DOCK8: variants seen among roughly 807,000 people sequenced by gnomAD.
The protein encoded by DOCK8 is dedicator of cytokinesis protein 8.
DOCK8 carries 141 observed loss-of-function variants against 245.6 expected under a neutral mutation model. The ratio of observed to expected loss-of-function variants is 0.57; its 90% CI spans 0.50 to 0.66. DOCK8 has a LOEUF of 0.66. DOCK8 is among the 30% of genes least tolerant of loss of function. The pLI is 0.00. For synonymous variants in DOCK8, 1,168 were observed against 970.2 expected (o/e 1.20, Z -3.79); for missense variants, 2,965 against 2,603.4 (o/e 1.14, Z -3.02).
chr9:431,049 C>T (rs1489455699), intron 36 of DOCK8, among the ~76,000 whole-genome samples: 4 of 147,224 alleles, frequency 2.7e-5, no homozygotes, highest in African/African-American at 9.8e-5. Context: ...ATTTTTTTTG[C>T]ATTTTTGTTG....
In DOCK8 at chr9:309,933, T is replaced by C. The variant is rs184110464; in HGVS notation, c.529-2021T>C. 7.1e-4 allele frequency among the ~76,000 whole-genome samples: 108 copies of C among 152,340 alleles called. 2 individuals are homozygous for C. In the East Asian group the frequency reaches 0.02, roughly 28 times the overall value. On this transcript the variant is annotated intron_variant, in intron 5 of 47. Coordinates refer to ENST00000432829, the MANE Select transcript of DOCK8 (RefSeq NM_203447.4). ...GTGAATGAATGAATTAGTTAATTAA[T>C]GAGCCAGGGTTTCACTTTGTCACCC...
chr9:428,686 C>T (rs1022785535), intron 35 of DOCK8, among the ~76,000 whole-genome samples, 190 bp downstream of exon 35: 4 of 152,206 alleles, frequency 2.6e-5, no homozygotes, highest in African/African-American at 9.6e-5. Flanking sequence ...AGAGGAAAAG[C>T]AGTGGCTCCC....
intron 14 of DOCK8, among the ~76,000 whole-genome samples, chr9:360,090 C>T (rs928903473): frequency 8.6e-5 from 13 of 151,696 alleles, no homozygotes; most frequent in South Asian, 2.1e-4. Flanking sequence ...CCGAGGCGGG[C>T]GGATCACTTG....
intron 5 of DOCK8, among the ~76,000 whole-genome samples, chr9:308,405 C>G (rs919117375): frequency 2.0e-5 from 3 of 152,174 alleles, no homozygotes; most frequent in African/African-American, 7.2e-5. Context: ...TGGAATAATA[C>G]TCATCATGGA....
chr9:267,598 G>A (rs1237685873), intron 1 of DOCK8, among the ~76,000 whole-genome samples: 1 of 152,318 alleles, frequency 6.6e-6, no homozygotes. Flanking sequence ...ACTATGGAAA[G>A]GATTTCTGAT....
At chr9:420,010 C>T in intron 30 of DOCK8, 1 of 310,240 alleles carries the variant, frequency 3.2e-6, no homozygotes, top group Non-Finnish European at 6.3e-6. Flanking sequence ...CCCTCTGCTG[C>T]CCAGCACGAA....
chr9:277,126 A>G (rs2048377026), intron 2 of DOCK8: 1 of 176,882 alleles, frequency 5.7e-6, no homozygotes. Flanking sequence ...TGATTGTTCA[A>G]AGTAGAAGCC....
At chr9:459,538 C>A (rs2057739479) in intron 46 of DOCK8, among the ~76,000 whole-genome samples, 2 of 152,084 alleles carry the variant, frequency 1.3e-5, no homozygotes, top group Admixed American at 1.3e-4. Context: ...TTTTTGCTTT[C>A]CTCATTTCTA....
chr9:226,114 GT>G (rs1404832673), intron 1 of DOCK8, among the ~76,000 whole-genome samples: 3 of 152,196 alleles, frequency 2.0e-5, no homozygotes, highest in Non-Finnish European at 4.4e-5. Context: ...AGAAAAAAAG[GT>G]TTAATGGACT....
chr9:223,622 C>CTT (rs113604836), intron 1 of DOCK8, among the ~76,000 whole-genome samples: 1 of 140,300 alleles, frequency 7.1e-6, no homozygotes, highest in East Asian at 2.0e-4. Flanking sequence ...GTTTTAAAAT[C>CTT]TTTTTTTTTT....
chr9:247,765 C>T (rs753770536), intron 1 of DOCK8, among the ~76,000 whole-genome samples: 3 of 152,044 alleles, frequency 2.0e-5, no homozygotes, highest in African/African-American at 7.2e-5. Context: ...TCTCAATCTC[C>T]TGACCTCGTG....
chr9:424,801 T>A (rs2056420295), intron 33 of DOCK8, among the ~76,000 whole-genome samples: 1 of 152,202 alleles, frequency 6.6e-6, no homozygotes, highest in African/African-American at 2.4e-5. Context: ...TACTTACAAA[T>A]GGTTAAGATG....
intron 46 of DOCK8, among the ~76,000 whole-genome samples, chr9:461,965 TTTC>T (rs2057818764): frequency 6.6e-6 from 1 of 151,662 alleles, no homozygotes. Context: ...TTTTATTTAT[TTTC>T]TTTTTTTTTT....
intron 2 of DOCK8, among the ~76,000 whole-genome samples, chr9:281,118 G>C (rs1390383359): frequency 6.6e-6 from 1 of 152,082 alleles, no homozygotes; most frequent in Non-Finnish European, 1.5e-5. Context: ...GCCAGGCGTG[G>C]TGGCGCATGC....
chr9:346,639 G>T (rs1212997597), intron 14 of DOCK8, among the ~76,000 whole-genome samples: 1 of 152,108 alleles, frequency 6.6e-6, no homozygotes, highest in African/African-American at 2.4e-5. Context: ...TGATTTCTCT[G>T]ATGGATAATT....
chr9:300,432 G>C (rs1289019813), intron 4 of DOCK8, among the ~76,000 whole-genome samples: 2 of 151,776 alleles, frequency 1.3e-5, no homozygotes, highest in African/African-American at 2.4e-5. Context: ...GTGTGACCTG[G>C]AGGTACTAGA....
At chr9:428,300 G>A in intron 34 of DOCK8, 62 bp from the exon 35 acceptor site, 2 of 1,612,420 alleles carry the variant, frequency 1.2e-6, no homozygotes, top group South Asian at 1.1e-5. Flanking sequence ...CTAATTGTCA[G>A]GAACATCCAG....
At chr9:322,844 G>A (rs1025189749) in intron 7 of DOCK8, among the ~76,000 whole-genome samples, 2 of 152,146 alleles carry the variant, frequency 1.3e-5, no homozygotes, top group East Asian at 1.9e-4. Context: ...TGTAATCCCA[G>A]TACTTTGGGA....
chr9:269,994 A>G (rs913602986), intron 1 of DOCK8, among the ~76,000 whole-genome samples: 2 of 152,156 alleles, frequency 1.3e-5, no homozygotes, highest in Non-Finnish European at 2.9e-5. Context: ...TCCTACCAAC[A>G]GCATATGCGT....
Sources: gnomAD v4.1 joint callset for allele counts (sites outside exome capture counted in the v4.1 genomes callset) on GRCh38, gnomAD v4.1.1 for gene constraint, MANE v1.5 for transcripts, NCBI Gene and HGNC (gene_info 2026-07-23, HGNC 2026-07-21) for gene names.